The following EYS variants were observed in gnomAD, a reference collection of about 807,000 sequenced individuals.
The protein encoded by EYS is protein eyes shut homolog.
A neutral mutation model predicts 282.1 loss-of-function variants in EYS; 250 were observed. The observed-to-expected ratio is 0.89, with a 90% confidence interval of 0.80 to 0.98. The LOEUF is 0.98. Among genes scored for constraint, EYS ranks in the 50% least tolerant of loss-of-function variants. The probability of loss-of-function intolerance (pLI) is 0.00; values close to 1 mark genes in which losing one functional copy is unlikely to be tolerated. For synonymous variants in EYS, 1,355 were observed against 1,282.9 expected (o/e 1.06, Z -1.20); for missense variants, 4,016 against 3,709.0 (o/e 1.08, Z -2.15).
chr6:65,149,898 TG>T (rs551632355), intron 12 of EYS, among the ~76,000 whole-genome samples: 64 of 152,220 alleles, frequency 4.2e-4, no homozygotes, highest in African/African-American at 1.5e-3. Flanking sequence ...TACACATGGC[TG>T]GGGAGGCTCA....
chr6:63,984,708 T>C, intron 34 of EYS, 105 bp from the exon 35 acceptor site: 2 of 955,034 alleles, frequency 2.1e-6, no homozygotes, highest in Non-Finnish European at 3.2e-6. Context: ...AATGTGTTTT[T>C]CTGTGTAAAA....
chr6:64,670,874 C>A (rs1311553845), intron 22 of EYS, among the ~76,000 whole-genome samples: 1 of 151,850 alleles, frequency 6.6e-6, no homozygotes, highest in African/African-American at 2.4e-5. Flanking sequence ...CACAGTAGAC[C>A]CTCTCCTTCA....
intron 1 of EYS, among the ~76,000 whole-genome samples, chr6:65,659,716 GACACACAAAC>G (rs980715679): frequency 1.8e-4 from 27 of 151,000 alleles, no homozygotes; most frequent in Non-Finnish European, 3.4e-4. Context: ...TCTTTTTTTT[GACACACAAAC>G]ATTAGAATTT....
intron 36 of EYS, among the ~76,000 whole-genome samples, chr6:63,830,254 C>T (rs1243047642): frequency 1.3e-5 from 2 of 151,892 alleles, no homozygotes; most frequent in African/African-American, 4.8e-5. Flanking sequence ...CAGACGATTG[C>T]TATTTACAGA....
At chr6:65,598,562 A>C (rs899893988) in intron 2 of EYS, among the ~76,000 whole-genome samples, 4 of 152,104 alleles carry the variant, frequency 2.6e-5, no homozygotes. Flanking sequence ...AACATAATTC[A>C]TATATACCTT....
intron 15 of EYS, among the ~76,000 whole-genome samples, chr6:64,916,751 A>G (rs1240057180): frequency 6.6e-6 from 1 of 152,198 alleles, no homozygotes; most frequent in Non-Finnish European, 1.5e-5. Context: ...TTCTGGTAGT[A>G]AACACTTGAA....
chr6:65,395,915 TA>T lies in EYS; in HGVS notation c.1184+6562del, dbSNP rs543292232. Among the ~76,000 whole-genome samples the T allele has an allele frequency of 2.4e-4, 36 of 152,346 alleles. 1 individual carries two copies. In the South Asian group the frequency reaches 3.9e-3, roughly 17 times the overall value. ...ATTCTGTTTCTATGACTTTGACTTTTAAAAATTTTACATATTAGTTAGATGA... is the reference window on the plus strand; with the variant it reads ...ATTCTGTTTCTATGACTTTGACTTTTAAAATTTTACATATTAGTTAGATGA... On this transcript the variant is annotated intron_variant, in intron 7 of 42. Transcript: ENST00000503581.
intron 22 of EYS, among the ~76,000 whole-genome samples, chr6:64,714,996 C>T (rs1331648120): frequency 6.6e-6 from 1 of 150,702 alleles, no homozygotes; most frequent in South Asian, 2.1e-4. Context: ...GTGACCAAAG[C>T]AAATTGTATT....
chr6:64,733,513 C>T (rs1772049936), intron 22 of EYS: 2 of 185,086 alleles, frequency 1.1e-5, no homozygotes, highest in South Asian at 1.2e-4. Context: ...ATTGTCATGG[C>T]AACAAGTTTT....
intron 30 of EYS, among the ~76,000 whole-genome samples, chr6:64,293,070 G>C (rs1467349190): frequency 6.6e-6 from 1 of 151,998 alleles, no homozygotes; most frequent in Non-Finnish European, 1.5e-5. Context: ...TGTAAGCAGA[G>C]ACTATAACAA....
intron 22 of EYS, among the ~76,000 whole-genome samples, chr6:64,652,236 T>A (rs1326784804): frequency 6.6e-6 from 1 of 152,180 alleles, no homozygotes; most frequent in Non-Finnish European, 1.5e-5. Flanking sequence ...CACTTTGTGA[T>A]CAAGTTTTAT....
intron 36 of EYS, among the ~76,000 whole-genome samples, chr6:63,830,151 GT>G (rs1414785950): frequency 6.6e-6 from 1 of 152,220 alleles, no homozygotes; most frequent in Non-Finnish European, 1.5e-5. Flanking sequence ...AAAAATCGGA[GT>G]GTCTCTTCTC....
At chr6:64,367,279 A>G (rs1772212234) in intron 29 of EYS, among the ~76,000 whole-genome samples, 1 of 152,028 alleles carries the variant, frequency 6.6e-6, no homozygotes, top group Non-Finnish European at 1.5e-5. Context: ...CCAAGCCCAA[A>G]ATAGAAAGAA....
At chr6:63,980,035 G>T (rs1767016261) in intron 35 of EYS, among the ~76,000 whole-genome samples, 1 of 151,756 alleles carries the variant, frequency 6.6e-6, no homozygotes, top group South Asian at 2.1e-4. Flanking sequence ...ATCAACCAAG[G>T]TACAAAAATT....
chr6:63,847,876 C>A (rs559072578), intron 36 of EYS, among the ~76,000 whole-genome samples: 61 of 152,216 alleles, frequency 4.0e-4, no homozygotes, highest in South Asian at 1.2e-3. Context: ...ATGTTGAATA[C>A]TTTTCAATGT....
chr6:64,833,744 T>C (rs1034738218), intron 19 of EYS, among the ~76,000 whole-genome samples: 9 of 151,842 alleles, frequency 5.9e-5, no homozygotes, highest in African/African-American at 1.9e-4. Context: ...TATTTCCACA[T>C]AAGGAAAGTA....
At chr6:63,776,377 T>C (rs1406455434) in intron 40 of EYS, among the ~76,000 whole-genome samples, 1 of 152,098 alleles carries the variant, frequency 6.6e-6, no homozygotes, top group Non-Finnish European at 1.5e-5. Flanking sequence ...ATCTTGACCC[T>C]CGAAATGGAA....
intron 35 of EYS, among the ~76,000 whole-genome samples, chr6:63,894,302 A>G (rs1773478835): frequency 6.6e-6 from 1 of 152,124 alleles, no homozygotes. Flanking sequence ...TGGGTGTTAA[A>G]TCCAATATGA....
intron 8 of EYS, among the ~76,000 whole-genome samples, chr6:65,356,892 A>C (rs1032352541): frequency 6.6e-6 from 1 of 152,012 alleles, no homozygotes; most frequent in Admixed American, 6.6e-5. Flanking sequence ...TGTTCATGTG[A>C]GGATGCTGAC....
Sources: allele counts gnomAD v4.1 joint callset (sites outside exome capture counted in the v4.1 genomes callset), GRCh38; gene constraint gnomAD v4.1.1; transcripts MANE v1.5; gene names NCBI Gene and HGNC (gene_info 2026-07-23, HGNC 2026-07-21).